The following COLQ variants were observed in gnomAD, a reference collection of about 807,000 sequenced individuals.
COLQ encodes acetylcholinesterase collagenic tail peptide.
Under a neutral mutation model 69.0 loss-of-function variants are expected in COLQ, and 48 were observed. That is an observed-to-expected ratio of 0.70 (90% CI 0.55 to 0.88). The LOEUF is 0.88. Ranked by LOEUF, COLQ falls within the 40% of genes least tolerant of loss-of-function variation. The pLI is 0.00. For missense variants in COLQ, 618 were observed against 594.6 expected (o/e 1.04, Z -0.41); for synonymous variants, 217 against 211.2 (o/e 1.03, Z -0.24).
rs184711181 is a variant in COLQ, at chr3:15,463,577, A to G, written c.814+2764T>C. Among the ~76,000 whole-genome samples, 41 of 151,906 alleles carry G rather than the reference A, an allele frequency of 2.7e-4. No individual in the cohort carries two copies. The East Asian group carries it at 7.4e-3, about 27-fold the overall frequency. On this transcript the variant is annotated intron_variant, in intron 12 of 16. Transcript: ENST00000383788. ...TAGCCAGGATGGTCTCGATCTCCTG[A>G]CCTCATGATCTGCCCACCTCGGCCT...
intron 1 of COLQ, among the ~76,000 whole-genome samples, chr3:15,516,168 G>A (rs1379817108): frequency 6.6e-6 from 1 of 152,224 alleles, no homozygotes; most frequent in Non-Finnish European, 1.5e-5. Flanking sequence ...ATTATCCATA[G>A]GAAATATGGG....
chr3:15,512,901 T>G (rs556553126), intron 1 of COLQ, among the ~76,000 whole-genome samples: 1 of 152,322 alleles, frequency 6.6e-6, no homozygotes, highest in East Asian at 1.9e-4. Flanking sequence ...AACACAGGAT[T>G]TGAACTCCAG....
rs1318485973 is a variant in COLQ, at chr3:15,479,382, C to A, written c.322G>T (p.Gly108Cys). The A allele has an allele frequency of 6.2e-7, 1 of 1,613,922 alleles. No individual in the cohort carries two copies. The highest frequency in any genetic ancestry group is 1.7e-5 in the Admixed American group (1 of 60,004). ...GTCTTGCCAGGAAGCCCCGGTGGAC[C>A]CTAATCAATCAAGATAAAAAGTGAA... ...LGSPGPPGPQ[G>C]PPGLPGKTGP... Residue 108 changes from glycine to cysteine, a missense_variant and splice_region_variant, in exon 4 of 17, where the codon GGT becomes TGT. By Grantham distance (159) the Gly-to-Cys change is radical (BLOSUM62 -3). Transcript: ENST00000383788.
At chr3:15,510,752 G>T (rs9832802) in intron 1 of COLQ, among the ~76,000 whole-genome samples, 28,289 of 122,250 alleles carry the variant, frequency 0.23, 3,906 homozygotes, top group African/African-American at 0.35. Context: ...GGACAGGAGG[G>T]GAGGGGAACA....
chr3:15,454,662 T>G (rs994593010), intron 15 of COLQ, among the ~76,000 whole-genome samples: 5 of 148,576 alleles, frequency 3.4e-5, no homozygotes, highest in Non-Finnish European at 6.0e-5. Flanking sequence ...TTTTTTTTTT[T>G]TTTTTTTTTT....
chr3:15,512,690 G>C (rs1315942389), intron 1 of COLQ, among the ~76,000 whole-genome samples: 2 of 152,162 alleles, frequency 1.3e-5, no homozygotes, highest in Non-Finnish European at 2.9e-5. Context: ...GAGACACCAA[G>C]AGGTTCTGGA....
At chr3:15,472,290 C>T (rs545537870) in intron 10 of COLQ, among the ~76,000 whole-genome samples, 1 of 152,154 alleles carries the variant, frequency 6.6e-6, no homozygotes, top group African/African-American at 2.4e-5. Flanking sequence ...TTTAACACTT[C>T]CTTTAATTTG....
At chr3:15,497,273 A>C (rs1385087140) in intron 1 of COLQ, among the ~76,000 whole-genome samples, 3 of 151,920 alleles carry the variant, frequency 2.0e-5, no homozygotes, top group Non-Finnish European at 4.4e-5. Context: ...TGAACTCCTG[A>C]CCTCAGGTGA....
chr3:15,499,020 A>T lies in COLQ; in HGVS notation c.107-9383T>A, dbSNP rs1575490309. The T allele has an allele frequency of 9.6e-6, 9 of 938,000 alleles. No individual in the cohort carries two copies. The Admixed American group carries it at 3.8e-4, about 40-fold the overall frequency. 58.1% of individuals were successfully genotyped at this position (938,000 alleles called of 1,614,324 possible). ...ACTGCTCTGGTAAGCCTCAAAGTCA[A>T]CCCCCCACCGAGACCGTCCAAGGGG... On this transcript the variant is annotated intron_variant, in intron 1 of 16. Transcript: ENST00000383788.
At chr3:15,475,388 A>T in intron 7 of COLQ, 37 bp downstream of exon 7, 1 of 1,552,852 alleles carries the variant, frequency 6.4e-7, no homozygotes, top group Non-Finnish European at 8.8e-7. Context: ...AGAGCCTGAC[A>T]GAGATCTGGG....
At position 15,455,939 on chromosome 3, in the gene COLQ, C is replaced by T. The variant is rs116503231; in HGVS notation, c.1155G>A (p.Glu385=). ...CGDGLLQPGE[E]CDDGNSDVGD... ...CCACATCGCTGTTACCGTCGTCACACTCCTCCCCAGGCTGCAGGAGCCCAT... is the reference window on the plus strand; with the variant it reads ...CCACATCGCTGTTACCGTCGTCACATTCCTCCCCAGGCTGCAGGAGCCCAT... The change falls in exon 15 of 17, where the codon GAG becomes GAA. Residue 385 remains glutamate, a synonymous_variant. Coordinates refer to ENST00000383788, the MANE Select transcript of COLQ (RefSeq NM_005677.4). The T allele has an allele frequency of 5.0e-6, 8 of 1,614,204 alleles. No homozygotes were observed. The African/African-American group carries it at 1.1e-4, about 22-fold the overall frequency.
At chr3:15,479,795 C>T (rs1575477566) in intron 3 of COLQ, among the ~76,000 whole-genome samples, 2 of 152,306 alleles carry the variant, frequency 1.3e-5, no homozygotes, top group African/African-American at 2.4e-5. Context: ...GGGGGCCTGA[C>T]AAGAGACAAG....
intron 1 of COLQ, among the ~76,000 whole-genome samples, chr3:15,518,475 GTGTATCAAATATTA>G (rs2063091639): frequency 6.6e-6 from 1 of 152,160 alleles, no homozygotes; most frequent in African/African-American, 2.4e-5. Flanking sequence ...ATAGTTTTGT[GTGTATCAAATATTA>G]TGTGCTTTAG....
intron 3 of COLQ, among the ~76,000 whole-genome samples, chr3:15,480,548 A>G (rs933763001): frequency 4.6e-5 from 7 of 152,330 alleles, no homozygotes; most frequent in African/African-American, 1.7e-4. Context: ...TCCATGGTGT[A>G]TATGTGCCAC....
intron 3 of COLQ, among the ~76,000 whole-genome samples, chr3:15,484,014 T>TATCAGAG (rs1304028780): frequency 6.6e-6 from 1 of 151,616 alleles, no homozygotes; most frequent in Non-Finnish European, 1.5e-5. Flanking sequence ...AAGTCTGTTT[T>TATCAGAG]ATCAGAGACT....
At chr3:15,470,368 G>T (rs1456648085) in intron 11 of COLQ, among the ~76,000 whole-genome samples, 168 bp downstream of exon 11, 1 of 152,182 alleles carries the variant, frequency 6.6e-6, no homozygotes, top group Non-Finnish European at 1.5e-5. Flanking sequence ...CTAGCCTAGA[G>T]ATGCCAGCAG....
intron 12 of COLQ, 120 bp from the exon 13 acceptor site, chr3:15,458,445 G>A (rs1159330198): frequency 3.7e-6 from 4 of 1,089,230 alleles, no homozygotes; most frequent in Non-Finnish European, 5.6e-6. Context: ...TTCAGGGTAT[G>A]CCTGAGGGAG....
At chr3:15,465,109 G>A (rs2062177139) in intron 12 of COLQ, among the ~76,000 whole-genome samples, 1 of 151,980 alleles carries the variant, frequency 6.6e-6, no homozygotes, top group Non-Finnish European at 1.5e-5. Flanking sequence ...GGGAGGTGGA[G>A]GTTGCAGTGA....
In COLQ at chr3:15,456,077, C is replaced by T; in HGVS notation, c.1075-58G>A. On this transcript the variant is annotated intron_variant, in intron 14 of 16. Transcript: ENST00000383788. ...CATGGCATACCCAGGCAGCCGCAGG[C>T]AGGGAGGTCATTGGTTTTGGTCCAA... 3.1e-6 allele frequency: 5 copies of T among 1,605,590 alleles called. No individual in the cohort carries two copies. In the South Asian group the frequency reaches 5.6e-5, roughly 18 times the overall value.
Sources: allele counts gnomAD v4.1 joint callset (sites outside exome capture counted in the v4.1 genomes callset), GRCh38; gene constraint gnomAD v4.1.1; transcripts MANE v1.5; gene names NCBI Gene and HGNC (gene_info 2026-07-23, HGNC 2026-07-21).